Variants in CMC1 observed in about 807,000 individuals in gnomAD.
The protein encoded by CMC1 is C-X9-C motif containing 1, also known as COX assembly mitochondrial protein homolog.
CMC1 carries 14 observed loss-of-function variants against 14.1 expected under a neutral mutation model. The observed-to-expected ratio is 0.99, with a 90% CI of 0.66 to 1.55. CMC1 has a LOEUF of 1.55. Ranked by LOEUF, CMC1 falls within the 40% of genes most tolerant of loss-of-function variation. CMC1 has a pLI of 0.00. For synonymous variants in CMC1, 50 were observed against 38.4 expected (o/e 1.30, Z -1.12); for missense variants, 127 against 123.8 (o/e 1.03, Z -0.12).
At chr3:28,271,152 G>C (rs536974532) in intron 2 of CMC1, among the ~76,000 whole-genome samples, 1 of 152,042 alleles carries the variant, frequency 6.6e-6, no homozygotes, top group East Asian at 1.9e-4. Flanking sequence ...TTAGGCTGTA[G>C]TGCAGTGGCA....
chr3:28,290,812 A>G (rs1334337537), intron 2 of CMC1, among the ~76,000 whole-genome samples: 2 of 152,044 alleles, frequency 1.3e-5, no homozygotes, highest in Non-Finnish European at 2.9e-5. Context: ...ATTATTCCAA[A>G]ATGTAGTGGC....
rs1703205196 is a variant in CMC1 at position 28,322,131 on chromosome 3, AAAG to A, written c.*2505_*2507del. On this transcript the variant is annotated 3_prime_UTR_variant, in exon 4 of 4. Transcript: ENST00000466830. ...AATTTTTGGCTAATCTTTCCTTACT[AAAG>A]AACCTTATACATCATTTGTCTAACA... The A allele has an allele frequency of 6.6e-6, 1 of 151,238 alleles. No homozygotes were observed. The highest frequency in any genetic ancestry group is 2.4e-5 in the African/African-American group (1 of 41,334). The allele number at this position is 151,238 out of a possible 1,614,324, so 9.4% of individuals were successfully genotyped here. A position where few individuals can be genotyped will look rare whatever the true frequency, so the allele number is the denominator to read the frequency against.
chr3:28,253,790 T>G, intron 1 of CMC1: 1 of 1,205,170 alleles, frequency 8.3e-7, no homozygotes, highest in Non-Finnish European at 1.1e-6. Context: ...GTAAATTTTT[T>G]AAAAAATGGC....
At chr3:28,282,284 T>C (rs1700937768) in intron 2 of CMC1, among the ~76,000 whole-genome samples, 1 of 152,232 alleles carries the variant, frequency 6.6e-6, no homozygotes, top group African/African-American at 2.4e-5. Flanking sequence ...GTGTGTTTGC[T>C]AGAACTAAAG....
rs919704592 is a variant in CMC1 at position 28,274,216 on chromosome 3, TTTTC to T, written c.109+10840_109+10843del. ...TCTTTGTACTAAAGTGTTTTTGTTT[TTTTC>T]TTTTTTTTTTTTTTTGCAGTGGCTA... On this transcript the variant is annotated intron_variant, in intron 2 of 3. Coordinates refer to ENST00000466830, the MANE Select transcript of CMC1 (RefSeq NM_182523.2). 2.7e-4 allele frequency among the ~76,000 whole-genome samples: 35 copies of T among 129,580 alleles called. 2 individuals carry two copies. Among genetic ancestry groups the T allele is most frequent in the South Asian group, 1.3e-3 (5 of 3,964 alleles). The allele number at this position is 129,580 out of a possible 152,430, so 85.0% of individuals were successfully genotyped here.
At chr3:28,293,666 C>G (rs150713674) in intron 2 of CMC1, among the ~76,000 whole-genome samples, 149 of 152,272 alleles carry the variant, frequency 9.8e-4, no homozygotes, top group African/African-American at 3.2e-3. Context: ...ACTGCAGCCT[C>G]TGCCTCCTGG....
intron 2 of CMC1, among the ~76,000 whole-genome samples, chr3:28,297,758 G>A (rs1701804529): frequency 6.6e-6 from 1 of 151,984 alleles, no homozygotes; most frequent in African/African-American, 2.4e-5. Context: ...CAGATCTGAT[G>A]ATTCTGTATT....
intron 1 of CMC1, among the ~76,000 whole-genome samples, chr3:28,251,164 C>T (rs2125430628): frequency 6.6e-6 from 1 of 152,248 alleles, no homozygotes; most frequent in Middle Eastern, 3.4e-3. Flanking sequence ...ATACAGGAAG[C>T]ATGGCATCTG....
At chr3:28,270,371 C>CA (rs1194683888) in intron 2 of CMC1, among the ~76,000 whole-genome samples, 1 of 152,180 alleles carries the variant, frequency 6.6e-6, no homozygotes, top group Non-Finnish European at 1.5e-5. Flanking sequence ...TTTACATTCC[C>CA]ACCAACAGTG....
chr3:28,300,635 CTT>C (rs1701981972), intron 2 of CMC1, among the ~76,000 whole-genome samples: 1 of 117,518 alleles, frequency 8.5e-6, no homozygotes, highest in African/African-American at 3.6e-5. Flanking sequence ...CCCTCCATCC[CTT>C]TCCCTCCCTC....
chr3:28,243,575 C>T (rs34748842), intron 1 of CMC1, among the ~76,000 whole-genome samples: 28,082 of 152,226 alleles, frequency 0.18, 3,114 homozygotes, highest in Middle Eastern at 0.27. Flanking sequence ...GGCCACACAG[C>T]TAGTTGCTGG....
At chr3:28,277,567 A>G (rs1442270120) in intron 2 of CMC1, among the ~76,000 whole-genome samples, 1 of 152,198 alleles carries the variant, frequency 6.6e-6, no homozygotes, top group Admixed American at 6.5e-5. Flanking sequence ...ATAAATTTTG[A>G]TAAGGTCAGT....
chr3:28,245,560 G>GGT (rs1005229545), intron 1 of CMC1, among the ~76,000 whole-genome samples: 8 of 152,074 alleles, frequency 5.3e-5, no homozygotes, highest in South Asian at 2.1e-4. Context: ...TCCTTAATCA[G>GGT]GTGTGTGTGT....
rs144975668 is a variant in CMC1, at chr3:28,251,990, C to T, written c.19+10178C>T. The stretch of plus-strand genomic sequence containing the variant: ...CGCAAAGACAGTCTTGAAGTTTTAC[C>T]AAATAAAGTAAATGTGAAACTTGTT... On this transcript the variant is annotated intron_variant, in intron 1 of 3. Transcript: ENST00000466830. 3.8e-3 allele frequency among the ~76,000 whole-genome samples: 572 copies of T among 152,264 alleles called. 8 individuals carry two copies. Among genetic ancestry groups the T allele is most frequent in the African/African-American group, 0.013 (544 of 41,540 alleles).
At chr3:28,290,250 T>C (rs1473572342) in intron 2 of CMC1, among the ~76,000 whole-genome samples, 1 of 152,142 alleles carries the variant, frequency 6.6e-6, no homozygotes, top group East Asian at 1.9e-4. Flanking sequence ...AATTTTTTTT[T>C]GATCTGTTGC....
In CMC1 at chr3:28,241,763, C is replaced by T; in HGVS notation, c.-31C>T. On this transcript the variant is annotated 5_prime_UTR_variant, in exon 1 of 4. Coordinates refer to ENST00000466830, the MANE Select transcript of CMC1 (RefSeq NM_182523.2). Reference sequence around the variant, plus strand: ...CCCTTCCTGCGTGCCCCGGAGCCGCCAAGCGGCTACGTTCTTCTCGGCCCG... The same window carrying T: ...CCCTTCCTGCGTGCCCCGGAGCCGCTAAGCGGCTACGTTCTTCTCGGCCCG... 2.4e-6 allele frequency: 3 copies of T among 1,241,730 alleles called. No homozygotes were observed. In the East Asian group the frequency reaches 9.5e-5, roughly 39 times the overall value. The allele number at this position is 1,241,730 out of a possible 1,614,324, so 76.9% of individuals were successfully genotyped here.
chr3:28,280,404 C>A (rs1022474724), intron 2 of CMC1, among the ~76,000 whole-genome samples: 1 of 151,902 alleles, frequency 6.6e-6, no homozygotes, highest in African/African-American at 2.4e-5. Flanking sequence ...TCAGTGTTAT[C>A]TAATTAGAAA....
Position 28,286,259 on chromosome 3 carries a change from C to G in CMC1, c.109+22879C>G, listed in dbSNP as rs1377211879. Among the ~76,000 whole-genome samples the G allele has an allele frequency of 2.0e-5, 3 of 152,270 alleles. No homozygotes were observed. The East Asian group carries it at 5.8e-4, about 29-fold the overall frequency. On this transcript the variant is annotated intron_variant, in intron 2 of 3. Coordinates refer to ENST00000466830, the MANE Select transcript of CMC1 (RefSeq NM_182523.2). ...TGGGCCTGTTTGAATATCAGTACTT[C>G]TTTCTAATGAAATAGCGTTAACTTA... is the stretch of plus-strand genomic sequence containing the variant.
At chr3:28,251,920 C>A (rs1292160793) in intron 1 of CMC1, among the ~76,000 whole-genome samples, 1 of 152,200 alleles carries the variant, frequency 6.6e-6, no homozygotes, top group Non-Finnish European at 1.5e-5. Flanking sequence ...TCCCATAACA[C>A]TGCTGATTTT....
Sources: gnomAD v4.1 joint callset for allele counts (sites outside exome capture counted in the v4.1 genomes callset) on GRCh38, gnomAD v4.1.1 for gene constraint, MANE v1.5 for transcripts, NCBI Gene and HGNC (gene_info 2026-07-23, HGNC 2026-07-21) for gene names.